Variants in FOXK2 observed in about 807,000 individuals in gnomAD.
The protein encoded by FOXK2 is forkhead box K2, also known as forkhead box protein K2.
FOXK2 carries 24 observed loss-of-function variants against 53.3 expected under a neutral mutation model. The observed-to-expected ratio is 0.45, with a 90% CI of 0.33 to 0.63. FOXK2 has a LOEUF of 0.63. Among genes scored for constraint, FOXK2 ranks in the 30% least tolerant of loss-of-function variants. The pLI is 0.03. For missense variants in FOXK2, 952 were observed against 910.5 expected (o/e 1.05, Z -0.59); for synonymous variants, 505 against 407.1 (o/e 1.24, Z -2.89).
At chr17:82,533,662 A>G (rs62078098) in intron 1 of FOXK2, among the ~76,000 whole-genome samples, 1 of 152,148 alleles carries the variant, frequency 6.6e-6, no homozygotes, top group African/African-American at 2.4e-5. Context: ...TTGCACTATG[A>G]CATCACAATG....
intron 8 of FOXK2, among the ~76,000 whole-genome samples, chr17:82,598,137 C>G (rs2045337650): frequency 6.8e-6 from 1 of 146,058 alleles, no homozygotes; most frequent in South Asian, 2.1e-4. Flanking sequence ...TTGTTGACTC[C>G]CATCATCTCG....
intron 1 of FOXK2, among the ~76,000 whole-genome samples, chr17:82,552,122 C>T (rs1287744037): frequency 2.0e-5 from 3 of 152,200 alleles, no homozygotes; most frequent in South Asian, 4.1e-4. Flanking sequence ...CCAAGGCACA[C>T]GCTCCCAGCC....
chr17:82,564,557 T>C (rs547433872), intron 2 of FOXK2, among the ~76,000 whole-genome samples: 1 of 152,066 alleles, frequency 6.6e-6, no homozygotes, highest in South Asian at 2.1e-4. Flanking sequence ...TATTGGAGTA[T>C]AAATGAAAGG....
intron 1 of FOXK2, among the ~76,000 whole-genome samples, chr17:82,529,147 T>C (rs908646543): frequency 6.6e-6 from 1 of 152,198 alleles, no homozygotes; most frequent in African/African-American, 2.4e-5. Flanking sequence ...TTAATAATTT[T>C]TTTTACAGAT....
In FOXK2 at chr17:82,587,116, C is replaced by T. The variant is rs902836810; in HGVS notation, c.1630C>T (p.Arg544Trp). The change falls in exon 8 of 9, where the codon CGG becomes TGG. Residue 544 changes from arginine (R) to tryptophan (W), a missense_variant. By Grantham distance (101) the Arg-to-Trp change is moderately radical (BLOSUM62 -3). This residue lies in a region of FOXK2 where 551 missense variants were observed against 385.1 expected (regional missense o/e 1.43). Coordinates refer to ENST00000335255, the MANE Select transcript of FOXK2 (RefSeq NM_004514.4). Reference sequence around the variant, plus strand: ...CCACGCCACGCTCGGCACTGCCAGCCGGATCATTCAGACGGCACAGACCAC... The same window carrying T: ...CCACGCCACGCTCGGCACTGCCAGCTGGATCATTCAGACGGCACAGACCAC... ...IGHATLGTAS[R>W]IIQTAQTTPV... is the part of the protein sequence containing the mutation. The T allele has an allele frequency of 1.2e-6, 2 of 1,613,084 alleles. No homozygotes were observed. Among genetic ancestry groups the T allele is most frequent in the East Asian group, 2.2e-5 (1 of 44,892 alleles).
At chr17:82,563,597 G>A in intron 2 of FOXK2, 49 bp downstream of exon 2, 1 of 1,539,768 alleles carries the variant, frequency 6.5e-7, no homozygotes, top group Non-Finnish European at 8.8e-7. Flanking sequence ...CCCAGTGGCA[G>A]CCCCAAGTAA....
intron 8 of FOXK2, chr17:82,599,042 C>T (rs1231493874): frequency 5.9e-5 from 9 of 152,194 alleles, no homozygotes; most frequent in Admixed American, 5.9e-4. Context: ...AAGCCTCTTC[C>T]TCAGCCCAGC....
chr17:82,556,787 C>T lies in FOXK2; in HGVS notation c.420-6567C>T, dbSNP rs552142165. ...TCTTGGTTCACTGCAGCCTCCACCT[C>T]CTGGGTTCAAGCGATTCTTCAGCCT... On this transcript the variant is annotated intron_variant, in intron 1 of 8. Coordinates refer to ENST00000335255, the MANE Select transcript of FOXK2 (RefSeq NM_004514.4). Among the ~76,000 whole-genome samples the T allele has an allele frequency of 2.2e-4, 34 of 152,138 alleles. No homozygotes were observed. In the South Asian group the frequency reaches 6.6e-3, roughly 30 times the overall value.
chr17:82,520,976 T>C (rs2044356376), intron 1 of FOXK2, among the ~76,000 whole-genome samples: 1 of 152,180 alleles, frequency 6.6e-6, no homozygotes, highest in African/African-American at 2.4e-5. Flanking sequence ...TACAAGGTCA[T>C]GTAGAGTGTT....
At chr17:82,566,823 G>A (rs1421922462) in intron 2 of FOXK2, among the ~76,000 whole-genome samples, 1 of 152,192 alleles carries the variant, frequency 6.6e-6, no homozygotes, top group Non-Finnish European at 1.5e-5. Context: ...GGGCCTCCAG[G>A]TGGAGCGAGC....
chr17:82,588,885 CTAA>C (rs2045224902), intron 8 of FOXK2, among the ~76,000 whole-genome samples: 1 of 64,918 alleles, frequency 1.5e-5, no homozygotes, highest in Non-Finnish European at 2.9e-5. Context: ...ACCATTTCTA[CTAA>C]AAAAAAAAAA....
chr17:82,596,727 G>A (rs1370808936), intron 8 of FOXK2, among the ~76,000 whole-genome samples: 1 of 152,214 alleles, frequency 6.6e-6, no homozygotes, highest in Non-Finnish European at 1.5e-5. Context: ...CGTCTTGATT[G>A]GGACGGTGTT....
chr17:82,567,674 C>T (rs1003449516), intron 2 of FOXK2, among the ~76,000 whole-genome samples: 2 of 152,092 alleles, frequency 1.3e-5, no homozygotes, highest in Non-Finnish European at 2.9e-5. Flanking sequence ...CACAGCTCCT[C>T]AGTGAGGACC....
chr17:82,535,526 C>T (rs889992525), intron 1 of FOXK2, among the ~76,000 whole-genome samples: 10 of 152,182 alleles, frequency 6.6e-5, no homozygotes, highest in Non-Finnish European at 1.0e-4. Flanking sequence ...AGGAGACTTG[C>T]GGGAGCAGAA....
intron 1 of FOXK2, among the ~76,000 whole-genome samples, chr17:82,532,439 T>C (rs1416003169): frequency 6.6e-6 from 1 of 152,074 alleles, no homozygotes; most frequent in African/African-American, 2.4e-5. Flanking sequence ...CCACTGCGCC[T>C]GGCCTAAATG....
At chr17:82,580,883 T>C (rs901841567) in intron 4 of FOXK2, among the ~76,000 whole-genome samples, 1 of 145,776 alleles carries the variant, frequency 6.9e-6, no homozygotes, top group African/African-American at 2.6e-5. Flanking sequence ...AGTAGCTCCA[T>C]CCACAGGGCC....
intron 4 of FOXK2, chr17:82,572,188 T>C (rs1260971371): frequency 4.4e-6 from 1 of 226,926 alleles, no homozygotes. Flanking sequence ...GCAGTTCATA[T>C]TTGAAATGTA....
chr17:82,585,510 G>C lies in FOXK2; in HGVS notation c.1280-394G>C, dbSNP rs539152600. Among the ~76,000 whole-genome samples, 22 of 152,142 alleles carry C rather than the reference G, an allele frequency of 1.4e-4. No homozygotes were observed. In the East Asian group the frequency reaches 3.7e-3, roughly 25 times the overall value. On this transcript the variant is annotated intron_variant, in intron 6 of 8. Coordinates refer to ENST00000335255, the MANE Select transcript of FOXK2 (RefSeq NM_004514.4). ...CGGTTAATATTTGTCGTAGAGACAG[G>C]GTCTCCCTATGCCCAGGCTGATCTC...
chr17:82,568,289 C>A, intron 3 of FOXK2, 88 bp downstream of exon 3: 1 of 1,501,212 alleles, frequency 6.7e-7, no homozygotes, highest in Non-Finnish European at 9.1e-7. Flanking sequence ...ACTCACCTGC[C>A]TGTCCAGTGA....
Sources: gnomAD v4.1 joint callset for allele counts (sites outside exome capture counted in the v4.1 genomes callset) on GRCh38, gnomAD v4.1.1 for gene constraint, gnomAD v4.1.1 regional missense constraint, MANE v1.5 for transcripts, NCBI Gene and HGNC (gene_info 2026-07-23, HGNC 2026-07-21) for gene names.